MDN1: variants seen among roughly 807,000 people sequenced by gnomAD.
MDN1 encodes the protein midasin AAA ATPase 1, also known as midasin.
A neutral mutation model predicts 669.2 loss-of-function variants in MDN1; 266 were observed. The ratio of observed to expected loss-of-function variants is 0.40; its 90% CI spans 0.36 to 0.44. The LOEUF is 0.44. Ranked by LOEUF, MDN1 falls within the 20% of genes least tolerant of loss-of-function variation. MDN1 has a pLI of 1.00. For synonymous variants in MDN1, 2,385 were observed against 2,457.1 expected (o/e 0.97, Z 0.87); for missense variants, 5,940 against 6,754.0 (o/e 0.88, Z 4.22).
chr6:89,746,251 T>C (rs2128317934), intron 27 of MDN1, among the ~76,000 whole-genome samples: 1 of 152,328 alleles, frequency 6.6e-6, no homozygotes, highest in Non-Finnish European at 1.5e-5. Context: ...GTCTAGGTGA[T>C]ACTTTACATG....
chr6:89,679,107 C>G (rs926618971), intron 74 of MDN1, among the ~76,000 whole-genome samples: 7 of 152,334 alleles, frequency 4.6e-5, no homozygotes, highest in African/African-American at 1.7e-4. Flanking sequence ...TTTATAATCA[C>G]TTGAAGGAAA....
rs541223064 is a variant in MDN1, at chr6:89,675,577, T to C, written c.12648A>G (p.Glu4216=). The C allele has an allele frequency of 1.2e-6, 2 of 1,613,220 alleles. No individual in the cohort carries two copies. The highest frequency in any genetic ancestry group is 1.7e-6 in the Non-Finnish European group (2 of 1,179,570). ...LNAALATPAK[E]MGMGNVERCR... is the part of the protein sequence containing the mutation. The stretch of plus-strand genomic sequence containing the variant: ...ACCTCTCCACGTTGCCCATGCCCAT[T>C]TCCTGGCAGAAGAAGGAAAAACATG... Residue 4216 remains glutamate, a splice_region_variant and synonymous_variant, in exon 78 of 102, where the codon GAA becomes GAG. Coordinates refer to ENST00000369393, the MANE Select transcript of MDN1 (RefSeq NM_014611.3).
intron 14 of MDN1, among the ~76,000 whole-genome samples, chr6:89,772,245 C>T (rs560136560): frequency 1.7e-3 from 251 of 152,096 alleles, no homozygotes; most frequent in Middle Eastern, 6.8e-3. Flanking sequence ...CGCCACTGCA[C>T]TCCAGCCTCA....
chr6:89,795,674 C>T (rs536731322), intron 2 of MDN1, among the ~76,000 whole-genome samples: 3 of 151,456 alleles, frequency 2.0e-5, no homozygotes, highest in Admixed American at 1.3e-4. Context: ...AAAGACAGGG[C>T]TGGGTGTGGT....
Position 89,695,145 on chromosome 6 carries a change from T to C in MDN1, c.9771+460A>G, listed in dbSNP as rs573321363. On this transcript the variant is annotated intron_variant, in intron 61 of 101. Coordinates refer to ENST00000369393, the MANE Select transcript of MDN1 (RefSeq NM_014611.3). The surrounding 1 kb of genome is among the most constrained non-coding windows in gnomAD (Gnocchi z 4.1). ...CTACTCGGGAGGCTGAGGCAGAGAA[T>C]TGCTTGAACCCAGGAGGCAGAGGTT... Among the ~76,000 whole-genome samples the C allele has an allele frequency of 6.6e-6, 1 of 152,224 alleles. No individual in the cohort carries two copies. The highest frequency in any genetic ancestry group is 1.5e-5 in the Non-Finnish European group (1 of 68,006).
chr6:89,773,652 G>A (rs1006890518), intron 13 of MDN1, among the ~76,000 whole-genome samples: 2 of 152,018 alleles, frequency 1.3e-5, no homozygotes, highest in Non-Finnish European at 2.9e-5. Flanking sequence ...GGAACACCAA[G>A]GACTGCTGGG....
rs1254882933 is a variant in MDN1, at chr6:89,690,064, G to A, written c.10829C>T (p.Thr3610Ile). Residue 3610 changes from threonine to isoleucine, a missense_variant, in exon 65 of 102, where the codon ACA (threonine) becomes ATA (isoleucine). By Grantham distance (89) the Thr-to-Ile change is moderately conservative. Coordinates refer to ENST00000369393, the MANE Select transcript of MDN1 (RefSeq NM_014611.3). ...TSDGQEEEAG[T>I]NPALLSQNSM... ...ATTCTGGGAGAGGAGAGCTGGGTTT[G>A]TGCCTGCTTCCTCTTCTTGCCCATC... The A allele has an allele frequency of 1.2e-6, 2 of 1,614,192 alleles. No individual in the cohort carries two copies. The highest frequency in any genetic ancestry group is 1.1e-5 in the South Asian group (1 of 91,090).
At chr6:89,794,026 T>C in intron 4 of MDN1, 72 bp from the exon 5 acceptor site, 1 of 1,428,590 alleles carries the variant, frequency 7.0e-7, no homozygotes, top group Non-Finnish European at 9.7e-7. Flanking sequence ...CAGTCACCTC[T>C]GGCCTGTCAC....
chr6:89,683,785 AATTCT>A (rs1168046214), intron 72 of MDN1, 41 bp downstream of exon 72: 26 of 1,479,888 alleles, frequency 1.8e-5, no homozygotes, highest in Non-Finnish European at 2.4e-5. Flanking sequence ...TACCACACAA[AATTCT>A]ATTCTATTTT....
At chr6:89,792,138 G>C (rs1562224057) in intron 5 of MDN1, among the ~76,000 whole-genome samples, 1 of 152,042 alleles carries the variant, frequency 6.6e-6, no homozygotes, top group Non-Finnish European at 1.5e-5. Context: ...AAAGTGCTGG[G>C]ATTACAAGCG....
chr6:89,711,372 T>C (rs540149191), intron 49 of MDN1, among the ~76,000 whole-genome samples: 185 of 152,220 alleles, frequency 1.2e-3, no homozygotes, highest in African/African-American at 4.3e-3. Flanking sequence ...ACAACAAAAA[T>C]AATATAAATT....
intron 93 of MDN1, 71 bp downstream of exon 93, chr6:89,654,093 T>A: frequency 6.5e-7 from 1 of 1,534,142 alleles, no homozygotes; most frequent in South Asian, 1.2e-5. Context: ...CCAGACTAGA[T>A]TATAGTGAGA....
intron 11 of MDN1, among the ~76,000 whole-genome samples, chr6:89,779,607 T>G (rs1327283823): frequency 6.6e-6 from 1 of 152,254 alleles, no homozygotes. Flanking sequence ...GCTTTATTAT[T>G]ACCCGGGAGT....
chr6:89,811,447 T>A (rs560151229), intron 1 of MDN1, among the ~76,000 whole-genome samples: 28 of 152,192 alleles, frequency 1.8e-4, no homozygotes, highest in Non-Finnish European at 2.6e-4. Flanking sequence ...CTTTTTATTT[T>A]TTTTTTTTAA....
At chr6:89,750,278 G>A in intron 24 of MDN1, 76 bp downstream of exon 24, 1 of 1,419,352 alleles carries the variant, frequency 7.0e-7, no homozygotes, top group Non-Finnish European at 9.7e-7. Context: ...AATTGGAAAG[G>A]ATGAAGAATA....
intron 54 of MDN1, 45 bp from the exon 55 acceptor site, chr6:89,701,723 A>G (rs1248396681): frequency 6.3e-7 from 1 of 1,586,028 alleles, no homozygotes; most frequent in East Asian, 2.2e-5. Context: ...GAAAGGGGGA[A>G]ATGCTAGACA....
chr6:89,689,737 A>T, intron 65 of MDN1, 133 bp downstream of exon 65: 5 of 1,110,728 alleles, frequency 4.5e-6, no homozygotes, highest in Non-Finnish European at 6.3e-6. Context: ...TCAGTTCTTT[A>T]AGCCAAGGAA....
At position 89,785,130 on chromosome 6, in the gene MDN1, C is replaced by T. The variant is rs532471286; in HGVS notation, c.1335-4G>A. ...ATTTCCTCCACAGCTCAAGAGTCTA[C>T]GTTTCAAAATAAAAAACACAGTCAC... is the stretch of plus-strand genomic sequence containing the variant. On this transcript the variant is annotated splice_polypyrimidine_tract_variant and splice_region_variant and intron_variant, in intron 8 of 101. Coordinates refer to ENST00000369393, the MANE Select transcript of MDN1 (RefSeq NM_014611.3). 3.5e-4 allele frequency: 565 copies of T among 1,603,230 alleles called. 1 individual carries two copies. Among genetic ancestry groups the T allele is most frequent in the Non-Finnish European group, 4.5e-4 (528 of 1,171,808 alleles).
At chr6:89,795,385 ACCT>A (rs1261719050) in intron 2 of MDN1, among the ~76,000 whole-genome samples, 1 of 151,964 alleles carries the variant, frequency 6.6e-6, no homozygotes, top group East Asian at 1.9e-4. Flanking sequence ...CTTAAGTTAC[ACCT>A]TAATGAATGA....
Sources: gnomAD v4.1 joint callset for allele counts (sites outside exome capture counted in the v4.1 genomes callset) on GRCh38, gnomAD v4.1.1 for gene constraint, Gnocchi (gnomAD v3.1) non-coding constraint, MANE v1.5 for transcripts, NCBI Gene and HGNC (gene_info 2026-07-23, HGNC 2026-07-21) for gene names.